The following NFIB variants were observed in gnomAD, a reference collection of about 807,000 sequenced individuals.
NFIB encodes the protein nuclear factor I B.
Under a neutral mutation model 61.5 loss-of-function variants are expected in NFIB, and 11 were observed. That is an observed-to-expected ratio of 0.18 (90% CI 0.11 to 0.30). The LOEUF (loss-of-function observed/expected upper bound fraction) is 0.30. Among genes scored for constraint, NFIB ranks in the 10% least tolerant of loss-of-function variants. The pLI is 1.00. For synonymous variants in NFIB, 260 were observed against 216.5 expected (o/e 1.20, Z -1.76); for missense variants, 471 against 608.9 (o/e 0.77, Z 2.38).
At chr9:14,306,951 T>A (rs762573127) in intron 2 of NFIB, 38 bp downstream of exon 2, 1 of 1,604,048 alleles carries the variant, frequency 6.2e-7, no homozygotes, top group East Asian at 2.2e-5. Context: ...TTGTAGGCGG[T>A]GTTTGCCGTG....
intron 2 of NFIB, among the ~76,000 whole-genome samples, chr9:14,228,120 C>G (rs1164304295): frequency 6.6e-6 from 1 of 151,324 alleles, no homozygotes; most frequent in African/African-American, 2.4e-5. Flanking sequence ...AAACTACTGA[C>G]TTTAAAAATA....
At chr9:14,247,049 C>A (rs1024837625) in intron 2 of NFIB, among the ~76,000 whole-genome samples, 6 of 152,060 alleles carry the variant, frequency 3.9e-5, no homozygotes, top group African/African-American at 1.4e-4. Context: ...TGGCTGTCTG[C>A]AAACCACGAA....
At chr9:14,268,056 A>G (rs1004220514) in intron 2 of NFIB, among the ~76,000 whole-genome samples, 8 of 151,718 alleles carry the variant, frequency 5.3e-5, no homozygotes, top group Non-Finnish European at 1.0e-4. Flanking sequence ...ACTCACTTGA[A>G]CCTGGGAGGT....
chr9:14,388,782 G>T (rs2061585787), intron 1 of NFIB, among the ~76,000 whole-genome samples: 1 of 152,220 alleles, frequency 6.6e-6, no homozygotes, highest in Non-Finnish European at 1.5e-5. Flanking sequence ...AAACAAATGT[G>T]GCAATAAGTT....
the NFIB span, among the ~76,000 whole-genome samples, chr9:14,427,937 G>GTTTTTTTTTTTGTTTT: frequency 2.3e-5 from 1 of 43,384 alleles, no homozygotes; most frequent in African/African-American, 7.8e-5. Flanking sequence ...TAATTCAGTT[G>GTTTTTTTTTTTGTTTT]TTTTTTTTTT....
chr9:14,414,070 A>G, the NFIB span, among the ~76,000 whole-genome samples: 1 of 152,176 alleles, frequency 6.6e-6, no homozygotes, highest in Non-Finnish European at 1.5e-5. Context: ...TGATTAATTT[A>G]TATAGGTCCT....
intron 10 of NFIB, among the ~76,000 whole-genome samples, chr9:14,109,930 TA>T (rs2037093993): frequency 6.6e-6 from 1 of 152,090 alleles, no homozygotes. Flanking sequence ...CCATCAGCAA[TA>T]ATTATTATAA....
intron 2 of NFIB, among the ~76,000 whole-genome samples, chr9:14,299,995 C>T (rs1395530953): frequency 6.6e-6 from 1 of 152,182 alleles, no homozygotes; most frequent in African/African-American, 2.4e-5. Context: ...CTCACTCTAA[C>T]GTTCAATCTA....
the NFIB span, among the ~76,000 whole-genome samples, chr9:14,412,625 T>TG: frequency 6.6e-6 from 1 of 152,096 alleles, no homozygotes; most frequent in African/African-American, 2.4e-5. Flanking sequence ...ATCTGGAATG[T>TG]GGGGCATGAG....
intron 3 of NFIB, among the ~76,000 whole-genome samples, chr9:14,171,224 C>T (rs1023678297): frequency 1.3e-5 from 2 of 152,214 alleles, no homozygotes; most frequent in African/African-American, 4.8e-5. Context: ...GCTTTAAATG[C>T]TGCTCAAGCC....
At position 14,305,786 on chromosome 9, in the gene NFIB, T is replaced by TAATAAA. The variant is rs558046720; in HGVS notation, c.562+1202_562+1203insTTTATT. Reference sequence around the variant, plus strand: ...AATAATAAAGCTCATAGCAGTTTATTAAGTCCCACATTTATATAACAAACC... The same window carrying TAATAAA: ...AATAATAAAGCTCATAGCAGTTTATTAATAAAAAGTCCCACATTTATATAACAAACC... On this transcript the variant is annotated intron_variant, in intron 2 of 10. Coordinates refer to ENST00000380953, the MANE Select transcript of NFIB (RefSeq NM_001190737.2). 487 of 319,286 alleles carry TAATAAA rather than the reference T, an allele frequency of 1.5e-3. 1 individual carries two copies. Among genetic ancestry groups the TAATAAA allele is most frequent in the African/African-American group, 9.9e-3 (465 of 46,926 alleles). The allele number at this position is 319,286 out of a possible 1,614,324, so 19.8% of individuals were successfully genotyped here.
chr9:14,508,092 T>C, the NFIB span, among the ~76,000 whole-genome samples: 4 of 150,966 alleles, frequency 2.6e-5, no homozygotes, highest in South Asian at 2.1e-4. Flanking sequence ...ATAATATTAA[T>C]ATATAAATAT....
intron 2 of NFIB, among the ~76,000 whole-genome samples, chr9:14,216,544 C>CTGTGTGTGTG (rs1563911463): frequency 1.6e-4 from 2 of 12,888 alleles, no homozygotes; most frequent in East Asian, 7.7e-4. Flanking sequence ...CTCTCTCTCC[C>CTGTGTGTGTG]TCTGTGTGTG....
intron 2 of NFIB, among the ~76,000 whole-genome samples, chr9:14,231,131 A>ATATATATATAT (rs1252546393): frequency 1.3e-4 from 10 of 75,440 alleles, no homozygotes; most frequent in African/African-American, 5.1e-4. Context: ...AAAAAAAAAA[A>ATATATATATAT]AAAAATATAT....
chr9:14,276,801 T>C (rs995315772), intron 2 of NFIB, among the ~76,000 whole-genome samples: 1 of 152,140 alleles, frequency 6.6e-6, no homozygotes, highest in East Asian at 1.9e-4. Flanking sequence ...ATCTGTCTTA[T>C]TAATATAGCT....
At chr9:14,306,253 T>C (rs547561861) in intron 2 of NFIB, among the ~76,000 whole-genome samples, 34 of 152,288 alleles carry the variant, frequency 2.2e-4, no homozygotes, top group Non-Finnish European at 4.0e-4. Flanking sequence ...GCGCTGCGAC[T>C]TTCCTCCTCG....
At chr9:14,184,117 G>GT (rs2047093451) in intron 2 of NFIB, among the ~76,000 whole-genome samples, 1 of 151,982 alleles carries the variant, frequency 6.6e-6, no homozygotes, top group Admixed American at 6.6e-5. Flanking sequence ...GGAGTGAGCA[G>GT]TTTTTCCTAT....
At chr9:14,400,982 A>G (rs114501223), upstream of NFIB, among the ~76,000 whole-genome samples, 1,162 of 152,290 alleles carry the variant, frequency 7.6e-3, 15 homozygotes, top group African/African-American at 0.026. Flanking sequence ...ACCCTCTTTG[A>G]TATTTCACCC....
At chr9:14,321,699 T>C (rs186035774) in intron 1 of NFIB, among the ~76,000 whole-genome samples, 1 of 152,316 alleles carries the variant, frequency 6.6e-6, no homozygotes, top group East Asian at 1.9e-4. Context: ...ATTCCCGTCA[T>C]AAGAGTGTGT....
Sources: gnomAD v4.1 joint callset for allele counts (sites outside exome capture counted in the v4.1 genomes callset) on GRCh38, gnomAD v4.1.1 for gene constraint, MANE v1.5 for transcripts, NCBI Gene and HGNC (gene_info 2026-07-23, HGNC 2026-07-21) for gene names.